The following RERE variants were observed in gnomAD, a reference collection of about 807,000 sequenced individuals.
RERE encodes the protein arginine-glutamic acid dipeptide repeats protein.
RERE carries 40 observed loss-of-function variants against 146.1 expected under a neutral mutation model. The ratio of observed to expected loss-of-function variants is 0.27; its 90% CI spans 0.21 to 0.36. RERE has a LOEUF of 0.36. RERE is among the 10% of genes least tolerant of loss of function. RERE has a pLI of 1.00. For missense variants in RERE, 1,933 were observed against 2,138.7 expected (o/e 0.90, Z 1.90); for synonymous variants, 1,003 against 866.0 (o/e 1.16, Z -2.78).
rs146798368 is a variant in RERE at position 8,774,070 on chromosome 1, C to T, written c.-145+43090G>A. ...AAAAATGTACTCATCTAACCAGGTA[C>T]CTTGTTCCTAGGTGTCCTCTCTCCA... On this transcript the variant is annotated intron_variant, in intron 1 of 22. Transcript: ENST00000400908. 2.2e-4 allele frequency among the ~76,000 whole-genome samples: 33 copies of T among 152,276 alleles called. No individual in the cohort carries two copies. In the East Asian group the frequency reaches 5.0e-3, roughly 23 times the overall value.
rs184482306 is a variant in RERE, at chr1:8,591,322, G to A, written c.522+23239C>T. ...GTACAAAAAGAATGGTCAAGAGAAAGATGGTGTAAAAGCAAGAAAAATCTT... is the reference window on the plus strand; with the variant it reads ...GTACAAAAAGAATGGTCAAGAGAAAAATGGTGTAAAAGCAAGAAAAATCTT... On this transcript the variant is annotated intron_variant, in intron 4 of 22. Coordinates refer to ENST00000400908, the MANE Select transcript of RERE (RefSeq NM_001042681.2). Among the ~76,000 whole-genome samples the A allele has an allele frequency of 1.9e-4, 29 of 152,110 alleles. 1 individual carries two copies. Among genetic ancestry groups the A allele is most frequent in the Admixed American group, 1.7e-3 (26 of 15,266 alleles).
Position 8,358,774 on chromosome 1 carries a change from C to T in RERE, c.3761G>A (p.Arg1254Gln), listed in dbSNP as rs752564844. 2 of 1,612,616 alleles carry T rather than the reference C, an allele frequency of 1.2e-6. No homozygotes were observed. Among genetic ancestry groups the T allele is most frequent in the South Asian group, 1.1e-5 (1 of 90,848 alleles). The change falls in exon 20 of 23, where the codon CGG becomes CAG. Residue 1254 changes from arginine (R) to glutamine (Q), a missense_variant. By Grantham distance (43) the Arg-to-Gln change is conservative. This residue lies in a region of RERE where 1,255 missense variants were observed against 1,153.8 expected (regional missense o/e 1.09). Coordinates refer to ENST00000400908, the MANE Select transcript of RERE (RefSeq NM_001042681.2). Reference sequence around the variant, plus strand: ...GGGCCGGGCGTACTCGCTCAGAGTCCGAAGGGCAGGTGTGTCGGGCCCGAT... The same window carrying T: ...GGGCCGGGCGTACTCGCTCAGAGTCTGAAGGGCAGGTGTGTCGGGCCCGAT... ...PYIGPDTPALRTLSEYARPHV... is the reference protein window; with the variant it reads ...PYIGPDTPALQTLSEYARPHV...
At chr1:8,726,147 C>CTTTTTTTTT (rs70985511) in intron 1 of RERE, among the ~76,000 whole-genome samples, 12 of 69,408 alleles carry the variant, frequency 1.7e-4, no homozygotes, top group African/African-American at 5.9e-4. Context: ...TTTTTCTTTT[C>CTTTTTTTTT]TTTTTTTTTT....
chr1:8,548,775 G>A (rs1221726207), intron 6 of RERE, among the ~76,000 whole-genome samples: 1 of 152,110 alleles, frequency 6.6e-6, no homozygotes, highest in Non-Finnish European at 1.5e-5. Context: ...CGGAGGTCAG[G>A]AGCTCAAGAC....
intron 11 of RERE, among the ~76,000 whole-genome samples, chr1:8,450,025 G>A (rs1240163506): frequency 6.6e-6 from 1 of 152,052 alleles, no homozygotes; most frequent in East Asian, 1.9e-4. Flanking sequence ...TCTTATTTAA[G>A]TTAATTTGCT....
intron 12 of RERE, among the ~76,000 whole-genome samples, chr1:8,385,896 G>C (rs1424515298): frequency 6.9e-6 from 1 of 143,978 alleles, no homozygotes; most frequent in Non-Finnish European, 1.5e-5. Flanking sequence ...GTGAACCCGG[G>C]AGGTGGAGCT....
intron 1 of RERE, among the ~76,000 whole-genome samples, chr1:8,715,915 C>T (rs559424286): frequency 7.5e-6 from 1 of 133,040 alleles, no homozygotes; most frequent in Non-Finnish European, 1.6e-5. Context: ...GCGGGACGGG[C>T]GGGGAAGAGA....
intron 12 of RERE, among the ~76,000 whole-genome samples, chr1:8,388,517 C>T (rs1394417895): frequency 1.3e-5 from 2 of 152,024 alleles, no homozygotes; most frequent in African/African-American, 4.8e-5. Flanking sequence ...GACGGGGTTT[C>T]ACCTTGTTAG....
intron 1 of RERE, among the ~76,000 whole-genome samples, chr1:8,663,442 C>T (rs1356687259): frequency 2.0e-5 from 3 of 152,164 alleles, no homozygotes; most frequent in Admixed American, 2.0e-4. Context: ...CAGACACATC[C>T]TGAACACCTC....
intron 1 of RERE, among the ~76,000 whole-genome samples, chr1:8,804,198 T>C (rs946656889): frequency 3.3e-5 from 5 of 152,124 alleles, no homozygotes; most frequent in African/African-American, 7.2e-5. Context: ...ATAAAATATA[T>C]ATATGTACAC....
At chr1:8,513,897 T>C (rs773865420) in intron 7 of RERE, among the ~76,000 whole-genome samples, 12 of 152,222 alleles carry the variant, frequency 7.9e-5, no homozygotes, top group African/African-American at 2.2e-4. Context: ...CTGAAATCCA[T>C]TGGTCTGTCT....
At chr1:8,659,735 A>G (rs1044223754) in intron 1 of RERE, among the ~76,000 whole-genome samples, 3 of 152,226 alleles carry the variant, frequency 2.0e-5, no homozygotes, top group African/African-American at 7.2e-5. Context: ...TTAAGAAAAA[A>G]AATCATTCTC....
At chr1:8,489,911 G>C (rs11121188) in intron 10 of RERE, among the ~76,000 whole-genome samples, 1 of 151,836 alleles carries the variant, frequency 6.6e-6, no homozygotes, top group South Asian at 2.1e-4. Flanking sequence ...TTAGCCAGGC[G>C]TGGTGGCGAG....
intron 7 of RERE, 66 bp downstream of exon 7, chr1:8,541,136 CACACACACACAT>C (rs901430171): frequency 1.3e-6 from 1 of 745,998 alleles, no homozygotes; most frequent in East Asian, 2.6e-5. Context: ...ATAAACTACA[CACACACACACAT>C]ACACACACAC....
At chr1:8,422,930 C>CCGAGGCT in intron 11 of RERE, 123 bp from the exon 12 acceptor site, 1 of 714,602 alleles carries the variant, frequency 1.4e-6, no homozygotes. Flanking sequence ...GGGAATACTG[C>CCGAGGCT]CGAGGCTCGG....
intron 7 of RERE, among the ~76,000 whole-genome samples, chr1:8,529,166 T>C (rs1314240649): frequency 1.3e-5 from 2 of 152,184 alleles, no homozygotes; most frequent in African/African-American, 4.8e-5. Flanking sequence ...GGTTCTTTCT[T>C]GTACTAGTCT....
chr1:8,706,280 T>C (rs1639560347), intron 1 of RERE, among the ~76,000 whole-genome samples: 1 of 151,994 alleles, frequency 6.6e-6, no homozygotes, highest in Non-Finnish European at 1.5e-5. Flanking sequence ...AGACTCAGTC[T>C]CTAAAAAAAA....
At chr1:8,642,693 T>C (rs1461090153) in intron 2 of RERE, among the ~76,000 whole-genome samples, 2 of 152,230 alleles carry the variant, frequency 1.3e-5, no homozygotes, top group Non-Finnish European at 2.9e-5. Context: ...TTTTAAAAAG[T>C]GTAACAGTGT....
intron 1 of RERE, among the ~76,000 whole-genome samples, chr1:8,780,485 A>G (rs1440407176): frequency 6.6e-6 from 1 of 152,176 alleles, no homozygotes; most frequent in Non-Finnish European, 1.5e-5. Context: ...AGCATCCTTG[A>G]ACCACTTTAC....
Sources: gnomAD v4.1 joint callset for allele counts (sites outside exome capture counted in the v4.1 genomes callset) on GRCh38, gnomAD v4.1.1 for gene constraint, gnomAD v4.1.1 regional missense constraint, MANE v1.5 for transcripts, NCBI Gene and HGNC (gene_info 2026-07-23, HGNC 2026-07-21) for gene names.